Variants in DMD observed in about 807,000 individuals in gnomAD.
DMD encodes mutant dystrophin.
Under a neutral mutation model 330.1 loss-of-function variants are expected in DMD, and 63 were observed. That is an observed-to-expected ratio of 0.19 (90% CI 0.16 to 0.24). The LOEUF is 0.24. DMD is among the 10% of genes least tolerant of loss of function. The pLI is 1.00. For missense variants in DMD, 3,344 were observed against 2,684.1 expected (o/e 1.25, Z -5.43); for synonymous variants, 1,223 against 959.8 (o/e 1.27, Z -5.07).
At chrX:31,305,434 G>A (rs947382856) in intron 62 of DMD, among the ~76,000 whole-genome samples, 5 of 111,650 alleles carry the variant, frequency 4.5e-5, no homozygotes, top group African/African-American at 1.6e-4. Context: ...CACCTGGATT[G>A]CCCTCTTTCT....
intron 34 of DMD, among the ~76,000 whole-genome samples, chrX:32,376,000 C>T (rs2097901365): frequency 1.8e-5 from 2 of 111,560 alleles, no homozygotes; most frequent in Non-Finnish European, 3.8e-5. Context: ...ACTCTTCTGG[C>T]CGGGTGTGGT....
chrX:31,783,689 A>G (rs1445523440), intron 50 of DMD, among the ~76,000 whole-genome samples: 1 of 111,169 alleles, frequency 9.0e-6, no homozygotes, highest in Non-Finnish European at 1.9e-5. Flanking sequence ...GCATATGTAT[A>G]TATAGTCTAA....
chrX:32,804,914 A>G (rs970663585), intron 7 of DMD, among the ~76,000 whole-genome samples: 1 of 112,362 alleles, frequency 8.9e-6, no homozygotes, highest in African/African-American at 3.2e-5. Context: ...ACAGAAAGGA[A>G]TAGCATCAAC....
At chrX:32,071,994 A>C in intron 44 of DMD, among the ~76,000 whole-genome samples, 1 of 112,142 alleles carries the variant, frequency 8.9e-6, no homozygotes. Context: ...GAATTATTTA[A>C]ATTTCAAAGC....
intron 45 of DMD, among the ~76,000 whole-genome samples, chrX:31,944,030 T>G (rs2095048686): frequency 9.0e-6 from 1 of 111,467 alleles, no homozygotes; most frequent in African/African-American, 3.3e-5. Context: ...GCTAAGTTCC[T>G]CAGAAACAGA....
intron 1 of DMD, among the ~76,000 whole-genome samples, chrX:33,059,521 C>A (rs149898416): frequency 0.015 from 1,718 of 110,860 alleles, 35 homozygotes; most frequent in African/African-American, 0.053. Flanking sequence ...AGGAGTCCAA[C>A]TCATGGCCTC....
intron 17 of DMD, among the ~76,000 whole-genome samples, chrX:32,526,423 A>AT (rs1186949869): frequency 4.6e-4 from 49 of 106,725 alleles, no homozygotes; most frequent in South Asian, 3.6e-3. Context: ...TAAGTCTTTG[A>AT]TTTTTTTTTT....
At chrX:32,653,742 C>T (rs2146971390) in intron 9 of DMD, among the ~76,000 whole-genome samples, 1 of 111,574 alleles carries the variant, frequency 9.0e-6, no homozygotes, top group Admixed American at 9.5e-5. Flanking sequence ...TATAAATTAC[C>T]TTGGGCAGTA....
intron 47 of DMD, among the ~76,000 whole-genome samples, chrX:31,893,448 T>G (rs746661122): frequency 3.8e-4 from 42 of 111,708 alleles, no homozygotes; most frequent in African/African-American, 1.0e-3. Flanking sequence ...CTGCTTGTCC[T>G]ACATTTTTGG....
intron 1 of DMD, among the ~76,000 whole-genome samples, chrX:33,031,460 A>G (rs1437878218): frequency 9.0e-6 from 1 of 111,040 alleles, no homozygotes; most frequent in Non-Finnish European, 1.9e-5. Flanking sequence ...TTGATCATGC[A>G]CTAGTTATGC....
At chrX:31,463,283 A>G (rs1458394534) in intron 59 of DMD, among the ~76,000 whole-genome samples, 3 of 112,159 alleles carry the variant, frequency 2.7e-5, no homozygotes, top group Non-Finnish European at 5.6e-5. Context: ...ATATTATTTT[A>G]ACATGAAAAA....
chrX:33,321,861 C>T (rs920447526), intron 1 of DMD, among the ~76,000 whole-genome samples: 1 of 111,738 alleles, frequency 8.9e-6, no homozygotes, highest in African/African-American at 3.2e-5. Context: ...GCTGCCTCAC[C>T]TTGCACTTTT....
intron 74 of DMD, among the ~76,000 whole-genome samples, chrX:31,162,619 G>A (rs2038972345): frequency 9.1e-6 from 1 of 109,703 alleles, no homozygotes; most frequent in African/African-American, 3.3e-5. Context: ...GCTGTGTGCC[G>A]AAAAAATGAA....
intron 1 of DMD, among the ~76,000 whole-genome samples, chrX:33,295,231 G>T (rs1368936858): frequency 9.0e-6 from 1 of 111,316 alleles, no homozygotes; most frequent in East Asian, 2.8e-4. Flanking sequence ...GTCTACACTT[G>T]TGAGGTTATT....
intron 54 of DMD, among the ~76,000 whole-genome samples, chrX:31,642,910 C>T (rs954392821): frequency 3.6e-5 from 4 of 112,006 alleles, no homozygotes; most frequent in East Asian, 2.8e-4. Flanking sequence ...ATCGTTCTTC[C>T]GATTTTGATC....
intron 44 of DMD, among the ~76,000 whole-genome samples, chrX:32,026,291 T>G (rs1162951220): frequency 2.7e-5 from 3 of 112,407 alleles, no homozygotes; most frequent in Admixed American, 9.4e-5. Context: ...TAGAAGCATA[T>G]TAAAACTTCA....
chrX:33,081,214 A>G (rs72626075), intron 1 of DMD, among the ~76,000 whole-genome samples: 18,765 of 110,987 alleles, frequency 0.17, 1,619 homozygotes, highest in African/African-American at 0.33. Context: ...CCAAAAGGAG[A>G]GAAATACTAC....
chrX:32,994,333 T>TAA lies in DMD; in HGVS notation c.93+25804_93+25805dup, dbSNP rs58119279. Among the ~76,000 whole-genome samples the TAA allele has an allele frequency of 2.0e-4, 19 of 93,327 alleles. No individual in the cohort carries two copies. In the East Asian group the frequency reaches 2.5e-3, roughly 12 times the overall value. 81.0% of individuals were successfully genotyped at this position (93,327 alleles called of 115,157 possible). A position where few individuals can be genotyped will look rare whatever the true frequency, so the allele number is the denominator to read the frequency against. The stretch of plus-strand genomic sequence containing the variant: ...ATAAAAAAGGTGGAAGCCCCCAATT[T>TAA]AAAAAAAAAAAAAAAATAGATTGTT... On this transcript the variant is annotated intron_variant, in intron 2 of 78. Transcript: ENST00000357033.
intron 54 of DMD, among the ~76,000 whole-genome samples, chrX:31,653,669 G>T (rs1398240010): frequency 9.0e-6 from 1 of 111,437 alleles, no homozygotes; most frequent in Non-Finnish European, 1.9e-5. Flanking sequence ...CAGCCAGATG[G>T]CAGTCCTTGA....
Sources: gnomAD v4.1 joint callset for allele counts (sites outside exome capture counted in the v4.1 genomes callset) on GRCh38, gnomAD v4.1.1 for gene constraint, MANE v1.5 for transcripts, NCBI Gene and HGNC (gene_info 2026-07-23, HGNC 2026-07-21) for gene names.